Variants in SORBS2 observed in about 807,000 individuals in gnomAD.
The protein encoded by SORBS2 is sorbin and SH3 domain-containing protein 2.
A neutral mutation model predicts 97.7 loss-of-function variants in SORBS2; 46 were observed. The observed-to-expected ratio is 0.47, with a 90% CI of 0.37 to 0.60. SORBS2 has a LOEUF of 0.60. Among genes scored for constraint, SORBS2 ranks in the 20% least tolerant of loss-of-function variants. The probability of loss-of-function intolerance (pLI) is 0.00; values close to 1 mark genes in which losing one functional copy is unlikely to be tolerated. For synonymous variants in SORBS2, 476 were observed against 473.4 expected (o/e 1.01, Z -0.07); for missense variants, 1,316 against 1,282.3 (o/e 1.03, Z -0.40).
chr4:185,697,340 T>A (rs2098190767), intron 2 of SORBS2, among the ~76,000 whole-genome samples: 1 of 152,218 alleles, frequency 6.6e-6, no homozygotes, highest in Non-Finnish European at 1.5e-5. Context: ...TAGACTGATT[T>A]CTATGGATTT....
intron 14 of SORBS2, among the ~76,000 whole-genome samples, chr4:185,588,472 A>G (rs2153350566): frequency 6.6e-6 from 1 of 152,328 alleles, no homozygotes; most frequent in South Asian, 2.1e-4. Context: ...TAGGCAGCGC[A>G]GATGGACCGG....
intron 1 of SORBS2, among the ~76,000 whole-genome samples, chr4:185,909,816 A>T (rs1231678963): frequency 1.3e-5 from 2 of 152,004 alleles, no homozygotes; most frequent in Non-Finnish European, 2.9e-5. Flanking sequence ...AAAGAGAAAT[A>T]TTATTCAAAG....
chr4:185,902,825 G>A (rs751129159), intron 1 of SORBS2, among the ~76,000 whole-genome samples: 1 of 152,198 alleles, frequency 6.6e-6, no homozygotes, highest in African/African-American at 2.4e-5. Flanking sequence ...TCTGCTGACA[G>A]CAGTTGGTTT....
intron 1 of SORBS2, among the ~76,000 whole-genome samples, chr4:185,920,807 T>G (rs2099260589): frequency 6.6e-6 from 1 of 152,214 alleles, no homozygotes. Flanking sequence ...AAAGAAAAAG[T>G]GAGACAGAAT....
At chr4:185,644,723 T>C (rs1239284566) in intron 4 of SORBS2, among the ~76,000 whole-genome samples, 1 of 152,242 alleles carries the variant, frequency 6.6e-6, no homozygotes, top group African/African-American at 2.4e-5. Context: ...GCGCCTGGCA[T>C]ATAGTGAGTG....
At chr4:185,832,644 A>T (rs2099205767) in intron 1 of SORBS2, among the ~76,000 whole-genome samples, 1 of 152,192 alleles carries the variant, frequency 6.6e-6, no homozygotes, top group Non-Finnish European at 1.5e-5. Context: ...AGTTACTCTC[A>T]TCCCAAGCTT....
intron 1 of SORBS2, among the ~76,000 whole-genome samples, chr4:185,928,737 G>A (rs533336816): frequency 2.0e-5 from 3 of 152,206 alleles, no homozygotes; most frequent in East Asian, 3.9e-4. Context: ...TAGTAGAGAC[G>A]GGGTTTCACC....
At chr4:185,624,420 C>T (rs1214627955) in exon 7 of SORBS2, 1 of 1,614,128 alleles carries the variant, frequency 6.2e-7, no homozygotes, top group East Asian at 2.2e-5. Flanking sequence ...CTACAGTAAT[C>T]TAACTCACTG....
In SORBS2 at chr4:185,913,288, T is replaced by C. The variant is rs73021819; in HGVS notation, c.-338+42908A>G. Among the ~76,000 whole-genome samples the C allele has an allele frequency of 3.2e-3, 485 of 152,278 alleles. 3 individuals carry two copies. Among genetic ancestry groups the C allele is most frequent in the African/African-American group, 0.011 (468 of 41,576 alleles). On this transcript the variant is annotated intron_variant, in intron 1 of 20. Coordinates refer to the SORBS2 transcript ENST00000284776. ...TATCTTTTTATGGAACAAATAAACA[T>C]TAACCAAATAAAACCAGTTTTTACC...
At chr4:185,885,925 G>A (rs1315035005) in intron 1 of SORBS2, among the ~76,000 whole-genome samples, 1 of 152,202 alleles carries the variant, frequency 6.6e-6, no homozygotes, top group Non-Finnish European at 1.5e-5. Flanking sequence ...ATGCGTAGGT[G>A]CCAACAGGCA....
chr4:185,636,480 T>C lies in SORBS2; in HGVS notation c.397-5882A>G, dbSNP rs187459430. Among the ~76,000 whole-genome samples the C allele has an allele frequency of 1.1e-3, 162 of 152,298 alleles. 2 individuals are homozygous for C. Among genetic ancestry groups the C allele is most frequent in the Non-Finnish European group, 8.1e-4 (55 of 68,014 alleles). On this transcript the variant is annotated intron_variant, in intron 4 of 14. Coordinates refer to ENST00000418609, the Ensembl canonical transcript of SORBS2. ...CAAGTATATAAATCAGCATATGGTA[T>C]AGAAATGGTTATATCCTGATTTCTA... is the stretch of plus-strand genomic sequence containing the variant.
chr4:185,678,493 T>C (rs957124128), exon 4 of SORBS2: 17 of 1,550,314 alleles, frequency 1.1e-5, no homozygotes, highest in Admixed American at 9.9e-5. Context: ...AAGAGAGGAA[T>C]ATGTAGCATC....
chr4:185,775,740 T>C (rs564826118), intron 1 of SORBS2: 2 of 152,342 alleles, frequency 1.3e-5, no homozygotes, highest in Admixed American at 6.5e-5. Context: ...TTATGCTTTA[T>C]TGAGAAGGAG....
intron 7 of SORBS2, among the ~76,000 whole-genome samples, chr4:185,622,299 C>T (rs774627866): frequency 2.6e-5 from 4 of 152,100 alleles, no homozygotes; most frequent in Non-Finnish European, 5.9e-5. Flanking sequence ...AAAATGAATA[C>T]ACTAAATGGT....
intron 2 of SORBS2, among the ~76,000 whole-genome samples, chr4:185,651,346 G>C (rs1303843407): frequency 6.6e-6 from 1 of 152,226 alleles, no homozygotes; most frequent in Non-Finnish European, 1.5e-5. Context: ...CTCTTTCAAT[G>C]AATGGTTGCA....
At chr4:185,616,608 C>G (rs987514489) in intron 9 of SORBS2, among the ~76,000 whole-genome samples, 2 of 152,102 alleles carry the variant, frequency 1.3e-5, no homozygotes, top group Admixed American at 1.3e-4. Flanking sequence ...GAAAAAGACT[C>G]TTTTGTATTT....
At chr4:185,689,819 A>G (rs1424406520) in intron 2 of SORBS2, among the ~76,000 whole-genome samples, 1 of 152,218 alleles carries the variant, frequency 6.6e-6, no homozygotes, top group East Asian at 1.9e-4. Flanking sequence ...ACAACTTTCC[A>G]GTGATCACTT....
intron 2 of SORBS2, among the ~76,000 whole-genome samples, chr4:185,699,176 T>C (rs2098222006): frequency 6.6e-6 from 1 of 152,164 alleles, no homozygotes; most frequent in Non-Finnish European, 1.5e-5. Flanking sequence ...CCACTTGCTA[T>C]GTGGAATTTA....
intron 1 of SORBS2, among the ~76,000 whole-genome samples, chr4:185,886,531 G>A (rs1182790370): frequency 1.8e-4 from 23 of 128,598 alleles, no homozygotes; most frequent in African/African-American, 5.5e-4. Flanking sequence ...CTCCAGCCTG[G>A]GCAACAGAGC....
Sources: allele counts gnomAD v4.1 joint callset (sites outside exome capture counted in the v4.1 genomes callset), GRCh38; gene constraint gnomAD v4.1.1; transcripts MANE v1.5; gene names NCBI Gene and HGNC (gene_info 2026-07-23, HGNC 2026-07-21).